PLAC1: variants seen among roughly 807,000 people sequenced by gnomAD.
PLAC1 encodes placenta associated 1.
For missense variants in PLAC1, 136 were observed against 163.2 expected (o/e 0.83, Z 0.91); for synonymous variants, 68 against 62.1 (o/e 1.09, Z -0.44).
At chrX:134,605,621 C>T (rs1335180270) in intron 1 of PLAC1, 1 of 112,150 alleles carries the variant, frequency 8.9e-6, no homozygotes, top group East Asian at 2.8e-4. Flanking sequence ...CATTGAGTGA[C>T]CTGAAGTGAT....
chrX:134,572,286 G>C (rs1178351229), intron 2 of PLAC1, among the ~76,000 whole-genome samples: 5 of 111,810 alleles, frequency 4.5e-5, no homozygotes. Context: ...TTAAAATGGA[G>C]GTTCTTTTTA....
chrX:134,716,533 C>T (rs1366330176), intron 2 of PLAC1, among the ~76,000 whole-genome samples: 1 of 112,514 alleles, frequency 8.9e-6, no homozygotes, highest in Non-Finnish European at 1.9e-5. Flanking sequence ...TTTCCATATA[C>T]TCCCTGTGTT....
chrX:134,654,663 T>C lies in PLAC1; in HGVS notation c.-131+3665A>G, dbSNP rs747278184. On this transcript the variant is annotated intron_variant, in intron 1 of 2. Transcript: ENST00000359237. ...GGCTCACCTCTCTCATTCCTGAAGG[T>C]TCTACCAGTGGCTCAGAGGCCATGT... Among the ~76,000 whole-genome samples the C allele has an allele frequency of 2.7e-5, 3 of 112,346 alleles. No homozygotes were observed. The Admixed American group carries it at 2.8e-4, about 11-fold the overall frequency.
intron 1 of PLAC1, among the ~76,000 whole-genome samples, chrX:134,632,007 A>G (rs1449030768): frequency 8.9e-6 from 1 of 112,359 alleles, no homozygotes; most frequent in Non-Finnish European, 1.9e-5. Flanking sequence ...AGGCATGGCT[A>G]GGAAAAGGAG....
intron 2 of PLAC1, among the ~76,000 whole-genome samples, chrX:134,577,410 C>G (rs1332817953): frequency 9.0e-6 from 1 of 111,690 alleles, no homozygotes; most frequent in Non-Finnish European, 1.9e-5. Context: ...GATCTTTGGC[C>G]GGGTGCAGTG....
At chrX:134,601,183 C>A (rs1472433683) in intron 2 of PLAC1, among the ~76,000 whole-genome samples, 1 of 111,328 alleles carries the variant, frequency 9.0e-6, no homozygotes, top group African/African-American at 3.3e-5. Flanking sequence ...ATTAAATATT[C>A]TTCTAAACAT....
chrX:134,727,458 C>T (rs1270900964), intron 2 of PLAC1, among the ~76,000 whole-genome samples: 4 of 112,105 alleles, frequency 3.6e-5, no homozygotes. Flanking sequence ...GGCATCAAGA[C>T]AAGCTTCATA....
At chrX:134,626,896 A>G (rs1001804544) in intron 1 of PLAC1, among the ~76,000 whole-genome samples, 2 of 111,742 alleles carry the variant, frequency 1.8e-5, no homozygotes, top group East Asian at 5.6e-4. Flanking sequence ...CAGTTTGCCA[A>G]TCTTCCTCCT....
intron 2 of PLAC1, among the ~76,000 whole-genome samples, chrX:134,701,715 T>C (rs2078583772): frequency 1.8e-5 from 2 of 112,022 alleles, no homozygotes; most frequent in East Asian, 2.8e-4. Flanking sequence ...ACTGGAGAGA[T>C]GCAAATCAAA....
intron 2 of PLAC1, among the ~76,000 whole-genome samples, chrX:134,600,527 C>A (rs776211283): frequency 9.0e-6 from 1 of 111,010 alleles, no homozygotes; most frequent in South Asian, 3.8e-4. Flanking sequence ...TAAAAACTGA[C>A]CACTGCCGTA....
At chrX:134,583,753 C>T (rs945537383) in intron 2 of PLAC1, among the ~76,000 whole-genome samples, 1 of 110,533 alleles carries the variant, frequency 9.0e-6, no homozygotes, top group African/African-American at 3.3e-5. Flanking sequence ...TGGTTAGTCC[C>T]AACTAGAGTC....
intron 2 of PLAC1, among the ~76,000 whole-genome samples, chrX:134,707,707 C>T (rs1448717862): frequency 1.8e-5 from 2 of 111,585 alleles, no homozygotes; most frequent in African/African-American, 6.5e-5. Context: ...AAAGAAAGAA[C>T]AAAAAATATG....
At chrX:134,633,643 T>C (rs2078271680) in intron 1 of PLAC1, among the ~76,000 whole-genome samples, 1 of 111,424 alleles carries the variant, frequency 9.0e-6, no homozygotes, top group Admixed American at 9.6e-5. Context: ...TGAATATTAT[T>C]TTTCTCTTCT....
At chrX:134,754,959 T>C in intron 1 of PLAC1, among the ~76,000 whole-genome samples, 1 of 111,101 alleles carries the variant, frequency 9.0e-6, no homozygotes, top group Non-Finnish European at 1.9e-5. Context: ...TTTCTTATTT[T>C]GGTGCATAAG....
At chrX:134,717,660 T>G (rs1345700166) in intron 2 of PLAC1, among the ~76,000 whole-genome samples, 1 of 112,212 alleles carries the variant, frequency 8.9e-6, no homozygotes, top group Admixed American at 9.4e-5. Flanking sequence ...CCTAAAATTC[T>G]AGAGCCATTC....
intron 1 of PLAC1, among the ~76,000 whole-genome samples, chrX:134,756,588 G>A (rs1419059620): frequency 9.0e-6 from 1 of 110,551 alleles, no homozygotes; most frequent in East Asian, 2.8e-4. Context: ...GGTGGCTCAC[G>A]CCTGTAATCC....
At chrX:134,638,137 A>G (rs774729413) in intron 1 of PLAC1, among the ~76,000 whole-genome samples, 16 of 112,337 alleles carry the variant, frequency 1.4e-4, no homozygotes, top group Non-Finnish European at 2.6e-4. Flanking sequence ...CTTGCACAAA[A>G]TATTCACTGG....
intron 2 of PLAC1, among the ~76,000 whole-genome samples, chrX:134,575,207 C>T (rs2077931232): frequency 9.0e-6 from 1 of 111,338 alleles, no homozygotes; most frequent in Non-Finnish European, 1.9e-5. Context: ...AAGTGCTTTG[C>T]AGTTGACCCC....
intron 1 of PLAC1, among the ~76,000 whole-genome samples, chrX:134,631,646 G>T (rs754935692): frequency 9.0e-6 from 1 of 111,499 alleles, no homozygotes; most frequent in African/African-American, 3.3e-5. Context: ...GGGGTCTAGG[G>T]GTAACTGGAG....
Sources: allele counts gnomAD v4.1 joint callset (sites outside exome capture counted in the v4.1 genomes callset), GRCh38; gene constraint gnomAD v4.1.1; transcripts MANE v1.5; gene names NCBI Gene and HGNC (gene_info 2026-07-23, HGNC 2026-07-21).